Variants in TNFSF11 observed in about 807,000 individuals in gnomAD.
The protein encoded by TNFSF11 is TNF superfamily member 11.
A neutral mutation model predicts 32.2 loss-of-function variants in TNFSF11; 12 were observed. The ratio of observed to expected loss-of-function variants is 0.37; its 90% CI spans 0.24 to 0.60. The LOEUF is 0.60. TNFSF11 is among the 20% of genes least tolerant of loss of function. The pLI is 0.66. For synonymous variants in TNFSF11, 172 were observed against 152.1 expected, an observed-to-expected ratio of 1.13 and a Z score of -0.96; for missense variants, 345 against 398.0, an observed-to-expected ratio of 0.87 and a Z score of 1.13.
chr13:42,604,957 G>A (rs897741395), intron 4 of TNFSF11, among the ~76,000 whole-genome samples: 13 of 152,032 alleles, frequency 8.6e-5, no homozygotes, highest in African/African-American at 2.9e-4. Flanking sequence ...CTAATTTTTT[G>A]TATTTTTAGT....
intron 2 of TNFSF11, among the ~76,000 whole-genome samples, chr13:42,582,928 A>C (rs982379615): frequency 2.0e-5 from 3 of 152,168 alleles, no homozygotes; most frequent in African/African-American, 7.2e-5. Flanking sequence ...TTTCATATTA[A>C]GGTAATTCTG....
intron 2 of TNFSF11, among the ~76,000 whole-genome samples, chr13:42,599,380 C>CTATCTATCTATT (rs375212233): frequency 1.3e-5 from 2 of 151,446 alleles, no homozygotes; most frequent in Non-Finnish European, 2.9e-5. Context: ...ATCTATCTAT[C>CTATCTATCTATT]TATCTGTCTA....
intron 4 of TNFSF11, among the ~76,000 whole-genome samples, chr13:42,606,081 C>T (rs9566998): frequency 0.031 from 4,675 of 152,306 alleles, 113 homozygotes; most frequent in African/African-American, 0.073. Flanking sequence ...TCCCATTTCT[C>T]TTAAGTTCTC....
intron 2 of TNFSF11, among the ~76,000 whole-genome samples, chr13:42,567,313 T>C (rs953742740): frequency 2.6e-5 from 4 of 152,238 alleles, no homozygotes; most frequent in Non-Finnish European, 5.9e-5. Context: ...ATAATATTAA[T>C]GAATTAAAAA....
intron 1 of TNFSF11, among the ~76,000 whole-genome samples, chr13:42,580,467 C>T (rs1873547095): frequency 6.6e-6 from 1 of 152,160 alleles, no homozygotes; most frequent in Non-Finnish European, 1.5e-5. Context: ...CAAATATCAC[C>T]TGCATCCATT....
chr13:42,583,710 A>G (rs1311825124), intron 2 of TNFSF11, among the ~76,000 whole-genome samples: 1 of 152,126 alleles, frequency 6.6e-6, no homozygotes, highest in African/African-American at 2.4e-5. Context: ...AGTTTTAACT[A>G]AAAGTTACCT....
At chr13:42,604,313 A>G (rs755685641) in intron 4 of TNFSF11, among the ~76,000 whole-genome samples, 2 of 152,122 alleles carry the variant, frequency 1.3e-5, no homozygotes, top group Non-Finnish European at 2.9e-5. Flanking sequence ...GATCATGCTC[A>G]CTCACTTGGG....
intron 2 of TNFSF11, among the ~76,000 whole-genome samples, chr13:42,590,624 G>A (rs1319699865): frequency 1.3e-5 from 2 of 152,172 alleles, no homozygotes; most frequent in African/African-American, 2.4e-5. Flanking sequence ...ACAGAGACAT[G>A]GTAAATAGCA....
At chr13:42,604,774 TTTTGTTTGTTTTG>T (rs1398103407) in intron 4 of TNFSF11, among the ~76,000 whole-genome samples, 5 of 152,068 alleles carry the variant, frequency 3.3e-5, no homozygotes, top group African/African-American at 1.2e-4. Flanking sequence ...GTTTCCTTTT[TTTTGTTTGTTTTG>T]TTTGTTTGTT....
intron 4 of TNFSF11, among the ~76,000 whole-genome samples, chr13:42,603,689 G>A (rs1869298700): frequency 6.6e-6 from 1 of 152,080 alleles, no homozygotes; most frequent in Non-Finnish European, 1.5e-5. Flanking sequence ...ATGAATTTCT[G>A]TAGCTGTCTC....
intron 1 of TNFSF11, among the ~76,000 whole-genome samples, chr13:42,563,278 T>C (rs1872738570): frequency 6.6e-6 from 1 of 152,208 alleles, no homozygotes. Flanking sequence ...AAAGCTTTTG[T>C]TATTAACTTG....
At chr13:42,563,346 G>A (rs1872740487) in intron 1 of TNFSF11, among the ~76,000 whole-genome samples, 1 of 152,160 alleles carries the variant, frequency 6.6e-6, no homozygotes, top group Non-Finnish European at 1.5e-5. Context: ...GTGACCAGAG[G>A]ACTTTTTATC....
chr13:42,569,661 G>C (rs1284479183), upstream of TNFSF11, among the ~76,000 whole-genome samples: 1 of 152,158 alleles, frequency 6.6e-6, no homozygotes, highest in Admixed American at 6.5e-5. Flanking sequence ...CTGGAGTGAT[G>C]AGGTTTGGAG....
At position 42,577,193 on chromosome 13, in the gene TNFSF11, G is replaced by A. The variant is rs547212541; in HGVS notation, c.219+2671G>A. On this transcript the variant is annotated intron_variant, in intron 1 of 4. Coordinates refer to ENST00000398795, the MANE Select transcript of TNFSF11 (RefSeq NM_003701.4). ...GTTTTATTGTTTTTGTTTAAAGGTG[G>A]AGAAAAGAAGGTATGCAAGTCCTCA... Among the ~76,000 whole-genome samples the A allele has an allele frequency of 2.0e-5, 3 of 152,308 alleles. No homozygotes were observed. The East Asian group carries it at 5.8e-4, about 29-fold the overall frequency.
intron 2 of TNFSF11, among the ~76,000 whole-genome samples, chr13:42,591,347 A>G (rs371181313): frequency 3.9e-5 from 6 of 152,154 alleles, no homozygotes; most frequent in East Asian, 1.9e-4. Flanking sequence ...CGCTCCTCCT[A>G]TCTGCCTGCT....
intron 4 of TNFSF11, among the ~76,000 whole-genome samples, chr13:42,605,019 A>G (rs58078967): frequency 0.017 from 2,585 of 152,110 alleles, 65 homozygotes; most frequent in African/African-American, 0.058. Flanking sequence ...TCCCGACCTC[A>G]TGATCCACCC....
intron 1 of TNFSF11, chr13:42,563,075 C>T (rs1872729135): frequency 6.6e-6 from 1 of 152,100 alleles, no homozygotes; most frequent in Admixed American, 6.5e-5. Context: ...CAAAAGAGTA[C>T]CATGAATGAA....
intron 1 of TNFSF11, chr13:42,562,974 T>G (rs1234432584): frequency 6.6e-6 from 1 of 152,208 alleles, no homozygotes; most frequent in African/African-American, 2.4e-5. Flanking sequence ...GTACTATTAG[T>G]TGCAGAAATT....
intron 2 of TNFSF11, among the ~76,000 whole-genome samples, chr13:42,596,177 C>T (rs1334900517): frequency 1.3e-5 from 2 of 151,962 alleles, no homozygotes; most frequent in South Asian, 2.1e-4. Context: ...GGAGTGGACT[C>T]GATAGGGTCA....
Sources: allele counts gnomAD v4.1 joint callset (sites outside exome capture counted in the v4.1 genomes callset), GRCh38; gene constraint gnomAD v4.1.1; transcripts MANE v1.5; gene names NCBI Gene and HGNC (gene_info 2026-07-23, HGNC 2026-07-21).